The following FBN2 variants were observed in gnomAD, a reference collection of about 807,000 sequenced individuals.
FBN2 encodes fibrillin 2.
FBN2 carries 105 observed loss-of-function variants against 355.6 expected under a neutral mutation model. The ratio of observed to expected loss-of-function variants is 0.30; its 90% CI spans 0.25 to 0.35. The LOEUF (loss-of-function observed/expected upper bound fraction) is 0.35, where lower values mean the gene tolerates loss of function less well. Among genes scored for constraint, FBN2 ranks in the 10% least tolerant of loss-of-function variants. FBN2 has a pLI of 1.00. For synonymous variants in FBN2, 1,350 were observed against 1,301.2 expected (o/e 1.04, Z -0.81); for missense variants, 3,280 against 3,758.7 (o/e 0.87, Z 3.33).
intron 38 of FBN2, 71 bp from the exon 39 acceptor site, chr5:128,311,496 C>G (rs767203134): frequency 1.4e-5 from 22 of 1,524,592 alleles, no homozygotes; most frequent in Non-Finnish European, 2.0e-5. Context: ...TTAGAGCTTT[C>G]AAAAGTGTGA....
At position 128,357,305 on chromosome 5, in the gene FBN2, T is replaced by C. The variant is rs1168151418; in HGVS notation, c.2645A>G (p.Lys882Arg). Residue 882 changes from lysine (K) to arginine (R), a missense_variant, in exon 20 of 65, where the codon AAA becomes AGA. Transcript: ENST00000262464. ...SFNCECSPGSKLSSTGLICID... is the reference protein window; with the variant it reads ...SFNCECSPGSRLSSTGLICID... ...ACAGATCAATCCTGTGGAGCTGAGT[T>C]TGCTGCCGGGCGAACATTCACAATT... The C allele has an allele frequency of 1.2e-6, 2 of 1,613,872 alleles. No individual in the cohort carries two copies. The highest frequency in any genetic ancestry group is 2.7e-5 in the African/African-American group (2 of 74,932).
At chr5:128,310,402 A>ATATATT (rs1475271868) in intron 39 of FBN2, among the ~76,000 whole-genome samples, 3 of 23,306 alleles carry the variant, frequency 1.3e-4, no homozygotes, top group Non-Finnish European at 2.3e-4. Context: ...ATATATATAT[A>ATATATT]TTTTTTTTTT....
intron 34 of FBN2, chr5:128,328,206 C>T (rs1009900388): frequency 4.7e-6 from 1 of 213,098 alleles, no homozygotes; most frequent in East Asian, 1.2e-4. Context: ...GAATAAGGAA[C>T]CACTAGTATT....
At position 128,350,428 on chromosome 5, in the gene FBN2, C is replaced by T. The variant is rs368601548; in HGVS notation, c.2813-423G>A. Among the ~76,000 whole-genome samples, 2 of 152,064 alleles carry T rather than the reference C, an allele frequency of 1.3e-5. 1 individual carries two copies. Among genetic ancestry groups the T allele is most frequent in the South Asian group, 4.2e-4 (2 of 4,816 alleles). On this transcript the variant is annotated intron_variant, in intron 21 of 64. Transcript: ENST00000262464. The stretch of plus-strand genomic sequence containing the variant: ...TAGCTGGGCATGGTGGCGGGCACCT[C>T]TAGTCCCAGCTACTCGGGAAGCTGA...
At chr5:128,418,517 T>C (rs1305212133) in intron 7 of FBN2, among the ~76,000 whole-genome samples, 1 of 152,178 alleles carries the variant, frequency 6.6e-6, no homozygotes. Context: ...ACTTTTGTTG[T>C]ATAACATAGG....
At chr5:128,284,208 T>G (rs575519688) in intron 55 of FBN2, among the ~76,000 whole-genome samples, 1 of 152,194 alleles carries the variant, frequency 6.6e-6, no homozygotes, top group African/African-American at 2.4e-5. Context: ...TCATGTGAAT[T>G]TTTTAATTTA....
At chr5:128,456,270 G>A (rs1754392116) in intron 6 of FBN2, among the ~76,000 whole-genome samples, 1 of 152,104 alleles carries the variant, frequency 6.6e-6, no homozygotes, top group Non-Finnish European at 1.5e-5. Flanking sequence ...ACTCCAGCCA[G>A]AGGCTCAGAG....
At chr5:128,393,429 A>G in intron 9 of FBN2, 61 bp from the exon 10 acceptor site, 2 of 1,412,156 alleles carry the variant, frequency 1.4e-6, no homozygotes, top group Non-Finnish European at 1.0e-6. Flanking sequence ...AACAAAAGCC[A>G]TTGGTACACT....
At chr5:128,480,565 C>G (rs1755154789) in intron 5 of FBN2, among the ~76,000 whole-genome samples, 1 of 152,038 alleles carries the variant, frequency 6.6e-6, no homozygotes, top group Admixed American at 6.6e-5. Context: ...CAAAAATTAG[C>G]TGGGCATGAG....
At chr5:128,273,725 A>G in intron 61 of FBN2, 115 bp downstream of exon 61, 1 of 1,082,980 alleles carries the variant, frequency 9.2e-7, no homozygotes, top group Non-Finnish European at 1.4e-6. Context: ...GCTGGGTCCT[A>G]TTTTGTTCAA....
In FBN2 at chr5:128,314,062, A is replaced by C. The variant is rs377739024; in HGVS notation, c.4718-1267T>G. On this transcript the variant is annotated intron_variant, in intron 36 of 64. Coordinates refer to ENST00000262464, the MANE Select transcript of FBN2 (RefSeq NM_001999.4). ...GTCTACTTTACCTTCTGTAAGCCAG[A>C]GTGACCCTTCAATAGCATTACCTTA... 9.2e-5 allele frequency among the ~76,000 whole-genome samples: 14 copies of C among 152,206 alleles called. 1 individual carries two copies. Among genetic ancestry groups the C allele is most frequent in the South Asian group, 4.1e-4 (2 of 4,828 alleles).
intron 14 of FBN2, 75 bp downstream of exon 14, chr5:128,376,656 A>G: frequency 6.5e-7 from 1 of 1,549,690 alleles, no homozygotes; most frequent in East Asian, 2.2e-5. Flanking sequence ...AGCTGAAGTA[A>G]TTCTTCCATG....
chr5:128,464,746 G>A lies in FBN2; in HGVS notation c.804C>T (p.Asn268=). Residue 268 remains asparagine (N), a synonymous_variant, in exon 6 of 65, where the codon AAC becomes AAT. Coordinates refer to ENST00000262464, the MANE Select transcript of FBN2 (RefSeq NM_001999.4). ...PQPCRRGFIP[N]IRTGACQDVD... is the part of the protein sequence containing the mutation. ...CACCTTGGCAAGCTCCAGTGCGGAT[G>A]TTGGGGATGAAACCCCGTCGGCAGG... 6.2e-7 allele frequency: 1 copy of A among 1,613,844 alleles called. No homozygotes were observed. The highest frequency in any genetic ancestry group is 8.5e-7 in the Non-Finnish European group (1 of 1,179,956).
At chr5:128,290,622 G>A in intron 50 of FBN2, 110 bp downstream of exon 50, 2 of 1,109,434 alleles carry the variant, frequency 1.8e-6, no homozygotes, top group Non-Finnish European at 2.8e-6. Context: ...TTATATGCAA[G>A]GAGATGATTT....
chr5:128,344,047 A>G (rs1751100706), intron 25 of FBN2, among the ~76,000 whole-genome samples: 1 of 152,202 alleles, frequency 6.6e-6, no homozygotes, highest in Non-Finnish European at 1.5e-5. Flanking sequence ...CCTGGGAAGC[A>G]AAGTGAGACC....
chr5:128,259,223 G>T lies in FBN2; in HGVS notation c.*232C>A. 1 of 524,598 alleles carries T rather than the reference G, an allele frequency of 1.9e-6. No individual in the cohort carries two copies. Among genetic ancestry groups the T allele is most frequent in the Non-Finnish European group, 3.4e-6 (1 of 294,374 alleles). 32.5% of individuals were successfully genotyped at this position (524,598 alleles called of 1,614,324 possible). ...GGTTTCTTTTAATATATTTTAAAAT[G>T]AAGTTATATAAAAAATACAGTAACC... On this transcript the variant is annotated 3_prime_UTR_variant, in exon 65 of 65. Transcript: ENST00000262464.
intron 5 of FBN2, among the ~76,000 whole-genome samples, chr5:128,515,896 A>G (rs1039150922): frequency 6.6e-6 from 1 of 152,206 alleles, no homozygotes; most frequent in Non-Finnish European, 1.5e-5. Flanking sequence ...TGTTTACATG[A>G]TAAAAACCAT....
intron 3 of FBN2, among the ~76,000 whole-genome samples, chr5:128,530,312 A>C (rs1385571388): frequency 3.9e-5 from 6 of 152,204 alleles, no homozygotes; most frequent in Admixed American, 2.6e-4. Context: ...CACAAAACAC[A>C]TGTTAAGCAA....
intron 5 of FBN2, among the ~76,000 whole-genome samples, chr5:128,501,137 G>A (rs1755798237): frequency 2.0e-5 from 3 of 152,142 alleles, no homozygotes. Flanking sequence ...TGATAGCAAT[G>A]GTGCATCAGG....
Sources: gnomAD v4.1 joint callset for allele counts (sites outside exome capture counted in the v4.1 genomes callset) on GRCh38, gnomAD v4.1.1 for gene constraint, MANE v1.5 for transcripts, NCBI Gene and HGNC (gene_info 2026-07-23, HGNC 2026-07-21) for gene names.